The following PSD3 variants were observed in gnomAD, a reference collection of about 807,000 sequenced individuals.
PSD3 encodes pleckstrin and Sec7 domain containing 3, also known as PH and SEC7 domain-containing protein 3.
A neutral mutation model predicts 105.5 loss-of-function variants in PSD3; 49 were observed. That is an observed-to-expected ratio of 0.46 (90% CI 0.37 to 0.59). PSD3 has a LOEUF of 0.59. Among genes scored for constraint, PSD3 ranks in the 20% least tolerant of loss-of-function variants. The pLI, the probability that PSD3 is intolerant of heterozygous loss-of-function variation, is 0.00. For missense variants in PSD3, 1,561 were observed against 1,263.8 expected (o/e 1.24, Z -3.57); for synonymous variants, 557 against 457.8 (o/e 1.22, Z -2.77).
intron 9 of PSD3, among the ~76,000 whole-genome samples, chr8:18,697,736 G>C (rs1014732514): frequency 6.6e-6 from 1 of 152,164 alleles, no homozygotes; most frequent in Non-Finnish European, 1.5e-5. Context: ...AGGGGTCCTA[G>C]ATTCCTCATC....
At chr8:19,008,410 A>G (rs943423946) in intron 1 of PSD3, among the ~76,000 whole-genome samples, 1 of 152,214 alleles carries the variant, frequency 6.6e-6, no homozygotes, top group African/African-American at 2.4e-5. Context: ...TTTTTCCAAT[A>G]TAACTTCGCC....
chr8:18,692,884 G>A (rs888600315), intron 9 of PSD3, among the ~76,000 whole-genome samples: 1 of 152,116 alleles, frequency 6.6e-6, no homozygotes, highest in Non-Finnish European at 1.5e-5. Flanking sequence ...AGATAGTTGG[G>A]GAACAATTAA....
intron 4 of PSD3, among the ~76,000 whole-genome samples, chr8:18,813,331 C>T (rs368121564): frequency 1.3e-5 from 2 of 152,088 alleles, no homozygotes; most frequent in Admixed American, 1.3e-4. Flanking sequence ...TTCGAAGAAA[C>T]GATAGGTACA....
At chr8:18,961,264 T>C (rs904287440) in intron 1 of PSD3, among the ~76,000 whole-genome samples, 11 of 152,336 alleles carry the variant, frequency 7.2e-5, no homozygotes, top group Admixed American at 2.0e-4. Flanking sequence ...CACTCTTTTT[T>C]ACTTTGACAA....
At chr8:18,831,827 A>G (rs973776647) in intron 4 of PSD3, among the ~76,000 whole-genome samples, 3 of 152,212 alleles carry the variant, frequency 2.0e-5, no homozygotes, top group African/African-American at 7.2e-5. Flanking sequence ...TAGCCAAAAA[A>G]GGATTTGGTC....
At chr8:18,575,368 T>C (rs1032956506) in intron 12 of PSD3, 83 bp from the exon 13 acceptor site, 6 of 1,327,094 alleles carry the variant, frequency 4.5e-6, no homozygotes, top group South Asian at 1.9e-5. Flanking sequence ...ACTAAAAAAA[T>C]AGTTTTTAGG....
At chr8:18,746,219 T>C (rs530173240) in intron 9 of PSD3, among the ~76,000 whole-genome samples, 1 of 152,314 alleles carries the variant, frequency 6.6e-6, no homozygotes, top group South Asian at 2.1e-4. Context: ...AGTGGTGTTT[T>C]TGCTTTAATC....
chr8:19,037,657 C>T (rs928663754), intron 1 of PSD3, among the ~76,000 whole-genome samples: 1 of 152,106 alleles, frequency 6.6e-6, no homozygotes, highest in African/African-American at 2.4e-5. Context: ...CGAGTGAGTT[C>T]CATCTCTATT....
intron 1 of PSD3, among the ~76,000 whole-genome samples, chr8:19,082,685 A>T (rs940029413): frequency 6.6e-6 from 1 of 152,192 alleles, no homozygotes; most frequent in Non-Finnish European, 1.5e-5. Context: ...TTATCCCCCG[A>T]AGGCGGGAGG....
At chr8:18,693,288 A>C (rs111228185) in intron 9 of PSD3, among the ~76,000 whole-genome samples, 1 of 152,200 alleles carries the variant, frequency 6.6e-6, no homozygotes, top group Non-Finnish European at 1.5e-5. Context: ...CCAAATTTCA[A>C]TGTGGCCAAG....
chr8:18,970,658 A>C (rs1824591705), intron 1 of PSD3, among the ~76,000 whole-genome samples: 1 of 152,126 alleles, frequency 6.6e-6, no homozygotes, highest in African/African-American at 2.4e-5. Context: ...AAAATCAATC[A>C]GTTAAAGATG....
chr8:18,816,951 A>C (rs1361755377), intron 4 of PSD3, among the ~76,000 whole-genome samples: 2 of 152,202 alleles, frequency 1.3e-5, no homozygotes, highest in Non-Finnish European at 2.9e-5. Flanking sequence ...AGAAAGTACC[A>C]TGTGAGTAGA....
chr8:18,790,431 T>G (rs898486759), intron 8 of PSD3, among the ~76,000 whole-genome samples: 3 of 151,578 alleles, frequency 2.0e-5, no homozygotes, highest in Non-Finnish European at 4.4e-5. Flanking sequence ...GCCTCCCAAG[T>G]AGCTGGGACT....
chr8:19,042,797 T>C (rs543644370), intron 1 of PSD3, among the ~76,000 whole-genome samples: 108 of 152,316 alleles, frequency 7.1e-4, no homozygotes, highest in Non-Finnish European at 1.4e-3. Flanking sequence ...TTCAATTCTC[T>C]CCCTTTTTTA....
chr8:18,842,611 T>C (rs186761801), intron 4 of PSD3, among the ~76,000 whole-genome samples: 2,429 of 152,150 alleles, frequency 0.016, 24 homozygotes, highest in Non-Finnish European at 0.024. Context: ...GAGGCACCTG[T>C]AGTCCCAGCT....
At chr8:18,560,382 T>C (rs1426723791) in intron 14 of PSD3, among the ~76,000 whole-genome samples, 2 of 152,200 alleles carry the variant, frequency 1.3e-5, no homozygotes, top group Admixed American at 6.5e-5. Context: ...CCACCTTTTG[T>C]CTTTGCTTTT....
At chr8:18,655,995 T>A (rs1270949387) in intron 9 of PSD3, among the ~76,000 whole-genome samples, 3 of 152,230 alleles carry the variant, frequency 2.0e-5, no homozygotes, top group African/African-American at 7.2e-5. Context: ...GCATGCTATT[T>A]CTCATATTGA....
intron 2 of PSD3, among the ~76,000 whole-genome samples, chr8:18,904,964 T>G (rs1198980998): frequency 6.6e-6 from 1 of 152,324 alleles, no homozygotes; most frequent in South Asian, 2.1e-4. Context: ...CCACCTTATT[T>G]CCCTACTGCT....
chr8:18,796,748 A>G (rs918867107), intron 8 of PSD3, among the ~76,000 whole-genome samples: 1 of 152,182 alleles, frequency 6.6e-6, no homozygotes, highest in African/African-American at 2.4e-5. Context: ...CACTTCTTAG[A>G]AAGATCATGC....
Sources: allele counts gnomAD v4.1 joint callset (sites outside exome capture counted in the v4.1 genomes callset), GRCh38; gene constraint gnomAD v4.1.1; transcripts MANE v1.5; gene names NCBI Gene and HGNC (gene_info 2026-07-23, HGNC 2026-07-21).